The following TIMP3 variants were observed in gnomAD, a reference collection of about 807,000 sequenced individuals.
The protein encoded by TIMP3 is metalloproteinase inhibitor 3.
In TIMP3, 11 loss-of-function variants were observed where a neutral mutation model predicts 30.0. The observed-to-expected ratio is 0.37, with a 90% CI of 0.23 to 0.61. The LOEUF (loss-of-function observed/expected upper bound fraction) is 0.61, where lower values mean the gene tolerates loss of function less well. Among genes scored for constraint, TIMP3 ranks in the 20% least tolerant of loss-of-function variants. The pLI is 0.70. For synonymous variants in TIMP3, 112 were observed against 111.3 expected (o/e 1.01, Z -0.04); for missense variants, 181 against 276.8 (o/e 0.65, Z 2.45).
chr22:32,849,058 G>C (rs1040939887), intron 1 of TIMP3, among the ~76,000 whole-genome samples: 2 of 152,242 alleles, frequency 1.3e-5, no homozygotes, highest in African/African-American at 2.4e-5. Flanking sequence ...AGTGGAAAGA[G>C]AACAGATCTG....
At chr22:32,847,341 G>C (rs1393097574) in intron 1 of TIMP3, among the ~76,000 whole-genome samples, 1 of 152,170 alleles carries the variant, frequency 6.6e-6, no homozygotes, top group Non-Finnish European at 1.5e-5. Context: ...ACAGACATTG[G>C]CCTGGGATCT....
chr22:32,829,022 G>C (rs1015613453), intron 1 of TIMP3, among the ~76,000 whole-genome samples: 8 of 152,118 alleles, frequency 5.3e-5, no homozygotes, highest in Non-Finnish European at 1.2e-4. Context: ...GAGACTACCA[G>C]CCTCCTCCCT....
At chr22:32,854,578 G>T (rs536064684) in intron 2 of TIMP3, among the ~76,000 whole-genome samples, 2 of 152,246 alleles carry the variant, frequency 1.3e-5, no homozygotes, top group Admixed American at 1.3e-4. Context: ...CAGAAGTCAG[G>T]GTAGGGGATG....
At position 32,821,995 on chromosome 22, in the gene TIMP3, A is replaced by G. The variant is rs532053616; in HGVS notation, c.121+19873A>G. ...ACATGGAGAAACCCCATCTCTACTA[A>G]AAATACAAAATTAGCCGGGCGTGGT... On this transcript the variant is annotated intron_variant, in intron 1 of 4. Coordinates refer to ENST00000266085, the MANE Select transcript of TIMP3 (RefSeq NM_000362.5). Among the ~76,000 whole-genome samples the G allele has an allele frequency of 3.9e-5, 6 of 152,152 alleles. No homozygotes were observed. The East Asian group carries it at 1.2e-3, about 29-fold the overall frequency.
rs762299337 is a variant in TIMP3 at position 32,849,501 on chromosome 22, C to A, written c.171C>A (p.Phe57Leu). Residue 57 changes from phenylalanine (F) to leucine (L), a missense_variant, in exon 2 of 5, where the codon TTC becomes TTA. By Grantham distance (22) the Phe-to-Leu change is conservative. Transcript: ENST00000266085. ...AGAAGCTGGTAAAGGAGGGGCCCTT[C>A]GGCACGCTGGTCTACACCATCAAGC... ...VGKKLVKEGP[F>L]GTLVYTIKQM... is the part of the protein sequence containing the mutation. 3.7e-6 allele frequency: 6 copies of A among 1,613,684 alleles called. No individual in the cohort carries two copies. The highest frequency in any genetic ancestry group is 3.4e-6 in the Non-Finnish European group (4 of 1,179,856).
chr22:32,820,282 G>A (rs1184157394), intron 1 of TIMP3, among the ~76,000 whole-genome samples: 1 of 150,612 alleles, frequency 6.6e-6, no homozygotes, highest in South Asian at 2.1e-4. Context: ...GTGTGTGTGT[G>A]TGTGTGGTGT....
chr22:32,823,901 T>C (rs242088), intron 1 of TIMP3, among the ~76,000 whole-genome samples: 71,525 of 151,970 alleles, frequency 0.47, 17,121 homozygotes, highest in Admixed American at 0.56. Flanking sequence ...TGAAGGTCTT[T>C]TGACACCTAT....
At chr22:32,849,840 A>G (rs1216827222) in intron 2 of TIMP3, among the ~76,000 whole-genome samples, 1 of 152,164 alleles carries the variant, frequency 6.6e-6, no homozygotes, top group East Asian at 1.9e-4. Context: ...GACCTTGGTC[A>G]AGTCACTGCC....
chr22:32,805,038 T>C (rs1249999259), intron 1 of TIMP3, among the ~76,000 whole-genome samples: 1 of 152,092 alleles, frequency 6.6e-6, no homozygotes. Flanking sequence ...TGTGTGTGTG[T>C]GTGCGCGTGT....
intron 1 of TIMP3, among the ~76,000 whole-genome samples, chr22:32,840,522 T>C (rs562101507): frequency 1.4e-5 from 2 of 145,388 alleles, no homozygotes; most frequent in Non-Finnish European, 3.0e-5. Flanking sequence ...CCAGCCCCCA[T>C]GCTCTTGCAG....
At chr22:32,828,196 G>T (rs1227085786) in intron 1 of TIMP3, among the ~76,000 whole-genome samples, 1 of 152,234 alleles carries the variant, frequency 6.6e-6, no homozygotes, top group Admixed American at 6.5e-5. Flanking sequence ...CAAGTGAAGT[G>T]TCTTGCCCTG....
chr22:32,807,371 TATATATAATATATATTATATATAATATA>T (rs2046782273), intron 1 of TIMP3, among the ~76,000 whole-genome samples: 11 of 111,202 alleles, frequency 9.9e-5, no homozygotes, highest in East Asian at 6.8e-4. Context: ...TAATATATAT[TATATATAATATATATTATATATAATATA>T]TATATATTAT....
chr22:32,817,035 T>C lies in TIMP3; in HGVS notation c.121+14913T>C, dbSNP rs548116752. On this transcript the variant is annotated intron_variant, in intron 1 of 4. Coordinates refer to ENST00000266085, the MANE Select transcript of TIMP3 (RefSeq NM_000362.5). Reference sequence around the variant, plus strand: ...GAATTGAAGACCAGTCTGGGTCACATAGTAAGATTCCCTGTCTCTACTAAT... The same window carrying C: ...GAATTGAAGACCAGTCTGGGTCACACAGTAAGATTCCCTGTCTCTACTAAT... Among the ~76,000 whole-genome samples, 80 of 148,806 alleles carry C rather than the reference T, an allele frequency of 5.4e-4. 1 individual carries two copies. The highest frequency in any genetic ancestry group is 1.9e-3 in the African/African-American group (78 of 40,162).
chr22:32,815,878 T>A (rs2047076838), intron 1 of TIMP3, among the ~76,000 whole-genome samples: 1 of 152,188 alleles, frequency 6.6e-6, no homozygotes, highest in African/African-American at 2.4e-5. Context: ...AGCTAGTATT[T>A]GAGCAGGTGT....
At position 32,857,273 on chromosome 22, in the gene TIMP3, C is replaced by T; in HGVS notation, c.229C>T (p.Pro77Ser). ...GATGTACCGAGGCTTCACCAAGATGCCCCATGTGCAGTACATCCATACGGA... is the reference window on the plus strand; with the variant it reads ...GATGTACCGAGGCTTCACCAAGATGTCCCATGTGCAGTACATCCATACGGA... The part of the protein sequence containing the change: ...MKMYRGFTKM[P>S]HVQYIHTEAS... The change falls in exon 3 of 5, where the codon CCC (proline) becomes TCC (serine). Residue 77 changes from proline (P) to serine (S), a missense_variant. By Grantham distance (74) the Pro-to-Ser change is moderately conservative. Transcript: ENST00000266085. 2 of 1,614,048 alleles carry T rather than the reference C, an allele frequency of 1.2e-6. No individual in the cohort carries two copies. The highest frequency in any genetic ancestry group is 1.7e-6 in the Non-Finnish European group (2 of 1,179,946).
chr22:32,811,376 C>CTTA lies in TIMP3; in HGVS notation c.121+9256_121+9257insATT, dbSNP rs549236887. Among the ~76,000 whole-genome samples the CTTA allele has an allele frequency of 3.3e-5, 5 of 152,250 alleles. No individual in the cohort carries two copies. The East Asian group carries it at 9.7e-4, about 29-fold the overall frequency. On this transcript the variant is annotated intron_variant, in intron 1 of 4. Coordinates refer to ENST00000266085, the MANE Select transcript of TIMP3 (RefSeq NM_000362.5). ...ATAGCTCAATAAGAATAAGCATGAG[C>CTTA]TTTTAGTAGTAGTGTTGTTATAGAG...
chr22:32,818,733 G>T (rs529949082), intron 1 of TIMP3, among the ~76,000 whole-genome samples: 1 of 152,156 alleles, frequency 6.6e-6, no homozygotes, highest in African/African-American at 2.4e-5. Flanking sequence ...CACTGTGGCC[G>T]GCCTAGGGGG....
chr22:32,821,289 G>T (rs1160447472), intron 1 of TIMP3, among the ~76,000 whole-genome samples: 2 of 152,196 alleles, frequency 1.3e-5, no homozygotes, highest in African/African-American at 2.4e-5. Context: ...AGAGATGCCA[G>T]CAGTGACAGG....
At chr22:32,811,635 A>T (rs1462527166) in intron 1 of TIMP3, among the ~76,000 whole-genome samples, 1 of 152,242 alleles carries the variant, frequency 6.6e-6, no homozygotes, top group African/African-American at 2.4e-5. Context: ...TAGAGTCTTA[A>T]GTCCATTTGA....
Sources: allele counts gnomAD v4.1 joint callset (sites outside exome capture counted in the v4.1 genomes callset), GRCh38; gene constraint gnomAD v4.1.1; transcripts MANE v1.5; gene names NCBI Gene and HGNC (gene_info 2026-07-23, HGNC 2026-07-21).